The following RHOBTB2 variants were observed in gnomAD, a reference collection of about 807,000 sequenced individuals.
RHOBTB2 encodes the protein rho-related BTB domain-containing protein 2.
Under a neutral mutation model 66.5 loss-of-function variants are expected in RHOBTB2, and 39 were observed. That is an observed-to-expected ratio of 0.59 (90% CI 0.45 to 0.77). The LOEUF is 0.77. RHOBTB2 is among the 30% of genes least tolerant of loss of function. The pLI is 0.00. For synonymous variants in RHOBTB2, 390 were observed against 395.0 expected (o/e 0.99, Z 0.15); for missense variants, 755 against 999.1 (o/e 0.76, Z 3.29).
upstream of RHOBTB2, among the ~76,000 whole-genome samples, chr8:22,995,280 G>A (rs1810517842): frequency 6.6e-6 from 1 of 152,120 alleles, no homozygotes; most frequent in South Asian, 2.1e-4. Flanking sequence ...CAGGAACCTT[G>A]TCTGAGGAAA....
chr8:23,017,005 C>T lies in RHOBTB2; in HGVS notation c.1967-247C>T, dbSNP rs183764268. On this transcript the variant is annotated intron_variant, in intron 9 of 9. Transcript: ENST00000251822. This position sits in a 1 kb window ranked among gnomAD's most constrained non-coding sequence, Gnocchi z 5.3. The stretch of plus-strand genomic sequence containing the variant: ...TGTTTCATTCCCAACGCACAGGAAG[C>T]CCTTGTCTAGATCGCCCGTCTTTGG... Among the ~76,000 whole-genome samples, 1 of 152,352 alleles carries T rather than the reference C, an allele frequency of 6.6e-6. No individual in the cohort carries two copies. Among genetic ancestry groups the T allele is most frequent in the Admixed American group, 6.5e-5 (1 of 15,306 alleles).
At chr8:23,005,339 C>G in intron 2 of RHOBTB2, 33 bp from the exon 3 acceptor site, 1 of 1,546,792 alleles carries the variant, frequency 6.5e-7, no homozygotes, top group Non-Finnish European at 8.9e-7. Context: ...AAAACTGCTG[C>G]CTTCGAGTCC....
At chr8:22,984,874 T>C (rs952218274), upstream of RHOBTB2, 3 of 151,784 alleles carry the variant, frequency 2.0e-5, no homozygotes, top group Non-Finnish European at 4.4e-5. Context: ...CAGTGAGCCA[T>C]TGCACTCACT....
chr8:22,951,881 T>C, the RHOBTB2 span, among the ~76,000 whole-genome samples: 1 of 152,284 alleles, frequency 6.6e-6, no homozygotes, highest in Non-Finnish European at 1.5e-5. Flanking sequence ...CCACCAAGCC[T>C]GGCTAATTTT....
chr8:22,973,086 G>C, the RHOBTB2 span, among the ~76,000 whole-genome samples: 1 of 151,796 alleles, frequency 6.6e-6, no homozygotes, highest in African/African-American at 2.4e-5. Flanking sequence ...GAAGTCTCCT[G>C]TTCAGGAAAG....
At position 23,006,226 on chromosome 8, in the gene RHOBTB2, C is replaced by A; in HGVS notation, c.482+81C>A. The A allele has an allele frequency of 2.4e-6, 3 of 1,235,782 alleles. No individual in the cohort carries two copies. The highest frequency in any genetic ancestry group is 3.4e-6 in the Non-Finnish European group (3 of 877,080). The allele number at this position is 1,235,782 out of a possible 1,614,324, so 76.6% of individuals were successfully genotyped here. ...CCTGCTCAGCCCTGGGGGAATTCCACTGAGCCTCATATCTCTCCCTCCATT... is the reference window on the plus strand; with the variant it reads ...CCTGCTCAGCCCTGGGGGAATTCCAATGAGCCTCATATCTCTCCCTCCATT... On this transcript the variant is annotated intron_variant, in intron 4 of 9. Coordinates refer to ENST00000251822, the MANE Select transcript of RHOBTB2 (RefSeq NM_015178.3). The surrounding 1 kb of genome is among the most constrained non-coding windows in gnomAD (Gnocchi z 6.1).
chr8:22,984,796 T>C (rs1810262812), upstream of RHOBTB2: 3 of 152,176 alleles, frequency 2.0e-5, no homozygotes, highest in African/African-American at 2.4e-5. Context: ...TCATGGTGCA[T>C]GCCTGTAATC....
the RHOBTB2 span, among the ~76,000 whole-genome samples, chr8:22,970,137 AAT>A: frequency 6.6e-6 from 1 of 152,162 alleles, no homozygotes; most frequent in Admixed American, 6.5e-5. Flanking sequence ...AAAGAAAAGA[AAT>A]TTAGTTTCTC....
At chr8:22,971,132 T>C in the RHOBTB2 span, among the ~76,000 whole-genome samples, 3 of 152,088 alleles carry the variant, frequency 2.0e-5, no homozygotes, top group African/African-American at 7.2e-5. Context: ...TTCAGCCCTC[T>C]CCTTCCCACC....
At chr8:22,981,916 T>C in the RHOBTB2 span, among the ~76,000 whole-genome samples, 1 of 152,286 alleles carries the variant, frequency 6.6e-6, no homozygotes, top group Non-Finnish European at 1.5e-5. Context: ...TCCGCCACTT[T>C]ACACTCAGGT....
chr8:23,003,022 G>C (rs993151630), intron 1 of RHOBTB2, among the ~76,000 whole-genome samples: 3 of 152,214 alleles, frequency 2.0e-5, no homozygotes, highest in Admixed American at 2.0e-4. Flanking sequence ...CTGGCTCTGG[G>C]CTGGATGGCT....
intron 2 of RHOBTB2, among the ~76,000 whole-genome samples, chr8:22,994,339 G>T (rs971457830): frequency 6.6e-6 from 1 of 152,188 alleles, no homozygotes; most frequent in Non-Finnish European, 1.5e-5. Context: ...CCCAGTTTCG[G>T]CCTCTCATCT....
At chr8:22,962,345 A>G in the RHOBTB2 span, among the ~76,000 whole-genome samples, 1 of 150,776 alleles carries the variant, frequency 6.6e-6, no homozygotes, top group African/African-American at 2.4e-5. Flanking sequence ...CAAATATGGG[A>G]TATTTTATTT....
chr8:22,973,116 G>GC, the RHOBTB2 span, among the ~76,000 whole-genome samples: 1 of 152,158 alleles, frequency 6.6e-6, no homozygotes, highest in Non-Finnish European at 1.5e-5. Flanking sequence ...TCCTCCACCT[G>GC]CCCCCAAGAC....
chr8:23,005,824 G>A (rs535299944), intron 3 of RHOBTB2, 136 bp from the exon 4 acceptor site: 1 of 778,928 alleles, frequency 1.3e-6, no homozygotes. Flanking sequence ...GTGATTATAT[G>A]TTTTGTGTCA....
At chr8:22,982,420 G>A (rs560486050), upstream of RHOBTB2, among the ~76,000 whole-genome samples, 37 of 152,234 alleles carry the variant, frequency 2.4e-4, no homozygotes, top group Admixed American at 6.5e-4. Context: ...TCAGGAGTTC[G>A]TGACCAGCCT....
At chr8:22,985,726 A>G (rs1428325523), upstream of RHOBTB2, among the ~76,000 whole-genome samples, 1 of 152,200 alleles carries the variant, frequency 6.6e-6, no homozygotes, top group East Asian at 1.9e-4. Flanking sequence ...CTGCCTGATG[A>G]GAAGGCAGAG....
chr8:22,953,809 C>G, the RHOBTB2 span, among the ~76,000 whole-genome samples: 1 of 152,104 alleles, frequency 6.6e-6, no homozygotes, highest in Non-Finnish European at 1.5e-5. Flanking sequence ...GCAATCCTCA[C>G]GATGTTGAAA....
chr8:22,977,295 G>C, the RHOBTB2 span, among the ~76,000 whole-genome samples: 10 of 152,122 alleles, frequency 6.6e-5, no homozygotes, highest in Admixed American at 5.9e-4. Context: ...GATATTTGTC[G>C]AAGGCCAGGT....
Sources: allele counts gnomAD v4.1 joint callset (sites outside exome capture counted in the v4.1 genomes callset), GRCh38; gene constraint gnomAD v4.1.1; non-coding constraint Gnocchi (gnomAD v3.1); transcripts MANE v1.5; gene names NCBI Gene and HGNC (gene_info 2026-07-23, HGNC 2026-07-21).